The following SYT16 variants were observed in gnomAD, a reference collection of about 807,000 sequenced individuals.
The protein encoded by SYT16 is synaptotagmin-16.
A neutral mutation model predicts 61.4 loss-of-function variants in SYT16; 42 were observed. The ratio of observed to expected loss-of-function variants is 0.68; its 90% confidence interval spans 0.53 to 0.89. The LOEUF (loss-of-function observed/expected upper bound fraction) is 0.89, where lower values mean the gene tolerates loss of function less well. Among genes scored for constraint, SYT16 ranks in the 40% least tolerant of loss-of-function variants. The pLI, the probability that SYT16 is intolerant of heterozygous loss-of-function variation, is 0.00. For synonymous variants in SYT16, 314 were observed against 302.3 expected, an observed-to-expected ratio of 1.04 and a Z score of -0.40; for missense variants, 804 against 807.3, an observed-to-expected ratio of 1.00 and a Z score of 0.05.
At position 61,977,777 on chromosome 14, in the gene SYT16, T is replaced by G. The variant is rs536808039; in HGVS notation, c.-145+7466T>G. ...AAGTAAACATCTGGGTTGAAAAAAA[T>G]AGGAGAATGGAGGATTTGGGGGATG... is the stretch of plus-strand genomic sequence containing the variant. On this transcript the variant is annotated intron_variant, in intron 2 of 7. Coordinates refer to ENST00000683842, the MANE Select transcript of SYT16 (RefSeq NM_001367656.1). Among the ~76,000 whole-genome samples the G allele has an allele frequency of 1.5e-3, 224 of 152,192 alleles. 4 individuals carry two copies. In the South Asian group the frequency reaches 0.019, roughly 13 times the overall value.
chr14:61,901,821 G>A (rs1014930368), intron 1 of SYT16, among the ~76,000 whole-genome samples: 1 of 151,442 alleles, frequency 6.6e-6, no homozygotes, highest in African/African-American at 2.4e-5. Context: ...GAGTACAGTG[G>A]TGCAATCTTG....
chr14:61,915,101 A>G (rs1167349044), intron 1 of SYT16, among the ~76,000 whole-genome samples: 1 of 152,170 alleles, frequency 6.6e-6, no homozygotes, highest in East Asian at 1.9e-4. Context: ...TGAGATGACA[A>G]TAAATGATAC....
At chr14:62,078,619 G>A (rs891792157) in intron 5 of SYT16, among the ~76,000 whole-genome samples, 1 of 152,214 alleles carries the variant, frequency 6.6e-6, no homozygotes, top group African/African-American at 2.4e-5. Flanking sequence ...GGGAGGTCAA[G>A]TGTGAGAATA....
At chr14:62,002,176 G>T (rs999023209) in intron 3 of SYT16, among the ~76,000 whole-genome samples, 1 of 151,766 alleles carries the variant, frequency 6.6e-6, no homozygotes, top group Non-Finnish European at 1.5e-5. Flanking sequence ...GAAAGTATGC[G>T]ATATTTTTTG....
At chr14:62,033,692 AT>A (rs764267972) in intron 3 of SYT16, among the ~76,000 whole-genome samples, 1 of 105,542 alleles carries the variant, frequency 9.5e-6, no homozygotes, top group Non-Finnish European at 2.0e-5. Flanking sequence ...GCCTTCTCAT[AT>A]CATACACACA....
intron 1 of SYT16, among the ~76,000 whole-genome samples, chr14:61,840,317 G>C (rs868552963): frequency 2.0e-5 from 3 of 152,108 alleles, no homozygotes; most frequent in Non-Finnish European, 2.9e-5. Context: ...AGAAGTTGGT[G>C]GTTTTAGTTT....
Position 62,109,014 on chromosome 14 carries a change from C to A in SYT16, c.*8307C>A, listed in dbSNP as rs867734373. 1.3e-5 allele frequency: 2 copies of A among 152,188 alleles called. No homozygotes were observed. The highest frequency in any genetic ancestry group is 4.8e-5 in the African/African-American group (2 of 41,448). 9.4% of individuals were successfully genotyped at this position (152,188 alleles called of 1,614,324 possible). A position where few individuals can be genotyped will look rare whatever the true frequency, so the allele number is the denominator to read the frequency against. On this transcript the variant is annotated 3_prime_UTR_variant, in exon 8 of 8. Coordinates refer to ENST00000683842, the MANE Select transcript of SYT16 (RefSeq NM_001367656.1). ...TGCTATATTTGTTACAACTGATGAA[C>A]CTTCATTGACATAACATTATCACCC...
chr14:61,924,956 T>C (rs765715260), intron 1 of SYT16, among the ~76,000 whole-genome samples: 7 of 152,198 alleles, frequency 4.6e-5, no homozygotes, highest in Non-Finnish European at 4.4e-5. Flanking sequence ...TCTGTCTCAT[T>C]GCTTCACCAT....
chr14:61,933,270 T>C lies in SYT16; in HGVS notation c.-324-36862T>C, dbSNP rs1018383506. Among the ~76,000 whole-genome samples the C allele has an allele frequency of 2.6e-5, 4 of 152,308 alleles. No homozygotes were observed. In the East Asian group the frequency reaches 7.7e-4, roughly 29 times the overall value. Reference sequence around the variant, plus strand: ...AGACAGACACAAAGCTCCTTTCCCATTGTCTGTTTTCACAAAGATTCTGGC... The same window carrying C: ...AGACAGACACAAAGCTCCTTTCCCACTGTCTGTTTTCACAAAGATTCTGGC... On this transcript the variant is annotated intron_variant, in intron 1 of 7. Transcript: ENST00000683842.
chr14:61,870,443 T>G (rs148768130), intron 1 of SYT16, among the ~76,000 whole-genome samples: 14 of 152,258 alleles, frequency 9.2e-5, no homozygotes, highest in African/African-American at 3.4e-4. Context: ...ATGATGTACT[T>G]TAGTTTGGTG....
intron 1 of SYT16, among the ~76,000 whole-genome samples, chr14:61,847,661 T>G (rs192602598): frequency 1.2e-3 from 181 of 152,314 alleles, no homozygotes; most frequent in Non-Finnish European, 3.1e-4. Flanking sequence ...CTTGTATCTC[T>G]CTTTCCATCT....
At chr14:61,914,982 C>G (rs1051906378) in intron 1 of SYT16, among the ~76,000 whole-genome samples, 3 of 152,166 alleles carry the variant, frequency 2.0e-5, no homozygotes, top group Non-Finnish European at 4.4e-5. Flanking sequence ...GGCCTCATCT[C>G]CTCCAACTCT....
chr14:62,007,718 A>G (rs1015712506), intron 3 of SYT16, among the ~76,000 whole-genome samples: 6 of 152,146 alleles, frequency 3.9e-5, no homozygotes, highest in African/African-American at 1.4e-4. Flanking sequence ...TGTTGTTATG[A>G]TAGAATACTG....
chr14:61,946,337 A>G (rs919708748), intron 1 of SYT16, among the ~76,000 whole-genome samples: 1 of 152,210 alleles, frequency 6.6e-6, no homozygotes, highest in African/African-American at 2.4e-5. Flanking sequence ...GAGCTAAACA[A>G]TAAGTACACA....
In SYT16 at chr14:61,914,127, T is replaced by C. The variant is rs544468763; in HGVS notation, c.-324-56005T>C. ...AATGGTATAGAGAGTTATAATTTGTTCAGTTTGGGATAGCATTAATTTCTC... is the reference window on the plus strand; with the variant it reads ...AATGGTATAGAGAGTTATAATTTGTCCAGTTTGGGATAGCATTAATTTCTC... On this transcript the variant is annotated intron_variant, in intron 1 of 7. Transcript: ENST00000683842. Among the ~76,000 whole-genome samples the C allele has an allele frequency of 2.2e-4, 34 of 152,284 alleles. No homozygotes were observed. The South Asian group carries it at 6.8e-3, about 31-fold the overall frequency.
intron 1 of SYT16, among the ~76,000 whole-genome samples, chr14:61,954,357 A>T (rs2050789247): frequency 6.6e-6 from 1 of 150,950 alleles, no homozygotes; most frequent in African/African-American, 2.4e-5. Context: ...TGAAATTTAC[A>T]AACATCTAGT....
intron 3 of SYT16, among the ~76,000 whole-genome samples, chr14:62,050,507 G>C (rs974196201): frequency 2.6e-5 from 4 of 152,192 alleles, no homozygotes; most frequent in African/African-American, 9.7e-5. Context: ...TTGTTCTGTT[G>C]CTGGTGAGGA....
chr14:61,876,056 G>A (rs946052999), intron 1 of SYT16, among the ~76,000 whole-genome samples: 1 of 152,174 alleles, frequency 6.6e-6, no homozygotes. Flanking sequence ...GCGTGTTTGT[G>A]TGTGTGCGTG....
At chr14:61,817,142 T>G (rs1006619170) in intron 1 of SYT16, among the ~76,000 whole-genome samples, 4 of 150,972 alleles carry the variant, frequency 2.6e-5, no homozygotes, top group African/African-American at 7.3e-5. Context: ...TGGGGCTAGT[T>G]GCGGTGGCTC....
Sources: gnomAD v4.1 joint callset for allele counts (sites outside exome capture counted in the v4.1 genomes callset) on GRCh38, gnomAD v4.1.1 for gene constraint, MANE v1.5 for transcripts, NCBI Gene and HGNC (gene_info 2026-07-23, HGNC 2026-07-21) for gene names.